SPATS2: variants seen among roughly 807,000 people sequenced by gnomAD.
The protein encoded by SPATS2 is spermatogenesis associated serine rich 2, also known as spermatogenesis-associated serine-rich protein 2.
SPATS2 carries 38 observed loss-of-function variants against 63.7 expected under a neutral mutation model. The observed-to-expected ratio is 0.60, with a 90% CI of 0.46 to 0.78. The LOEUF is 0.78. SPATS2 is among the 30% of genes least tolerant of loss of function. SPATS2 has a pLI of 0.00. For missense variants in SPATS2, 588 were observed against 666.2 expected, an observed-to-expected ratio of 0.88 and a Z score of 1.29; for synonymous variants, 207 against 232.9, an observed-to-expected ratio of 0.89 and a Z score of 1.01.
intron 5 of SPATS2, chr12:49,490,255 ATAATGT>A (rs1304117809): frequency 6.4e-6 from 1 of 155,908 alleles, no homozygotes; most frequent in African/African-American, 2.4e-5. Flanking sequence ...TTTTTAAAAA[ATAATGT>A]TAGTGTTTTG....
rs542721430 is a variant in SPATS2, at chr12:49,449,310, G to A, written c.-243-11460G>A. Reference sequence around the variant, plus strand: ...AGCTCACTGCAACCTCCGCCTCACGGGTTCAAGCGATTTTCCTGCCTCAGC... The same window carrying A: ...AGCTCACTGCAACCTCCGCCTCACGAGTTCAAGCGATTTTCCTGCCTCAGC... On this transcript the variant is annotated intron_variant, in intron 2 of 13. Transcript: ENST00000552918. Among the ~76,000 whole-genome samples, 38 of 152,314 alleles carry A rather than the reference G, an allele frequency of 2.5e-4. 1 individual carries two copies. Among genetic ancestry groups the A allele is most frequent in the African/African-American group, 7.2e-4 (30 of 41,560 alleles).
intron 2 of SPATS2, among the ~76,000 whole-genome samples, chr12:49,391,483 G>T (rs1944417831): frequency 6.6e-6 from 1 of 152,182 alleles, no homozygotes; most frequent in African/African-American, 2.4e-5. Flanking sequence ...TTACACTCCA[G>T]CCTGGGCAAC....
intron 2 of SPATS2, among the ~76,000 whole-genome samples, chr12:49,423,895 CTT>C (rs1393896112): frequency 1.3e-5 from 2 of 152,030 alleles, no homozygotes; most frequent in Non-Finnish European, 1.5e-5. Flanking sequence ...GTAAAAATCT[CTT>C]GTTTTTTCTA....
At chr12:49,450,405 G>T (rs1309563403) in intron 2 of SPATS2, among the ~76,000 whole-genome samples, 1 of 151,832 alleles carries the variant, frequency 6.6e-6, no homozygotes, top group Admixed American at 6.6e-5. Context: ...CACCATGCCT[G>T]GTTAATTTTT....
chr12:49,456,738 G>A (rs905976042), intron 2 of SPATS2, among the ~76,000 whole-genome samples: 4 of 152,114 alleles, frequency 2.6e-5, no homozygotes, highest in Non-Finnish European at 4.4e-5. Context: ...GATTGGAGGT[G>A]GTGGGGAATG....
At chr12:49,389,998 A>C in intron 2 of SPATS2, 1 of 847,594 alleles carries the variant, frequency 1.2e-6, no homozygotes, top group Admixed American at 1.7e-5. Context: ...ACAGGATTGC[A>C]AGGAACAAGA....
intron 2 of SPATS2, among the ~76,000 whole-genome samples, chr12:49,436,872 ACCTCCCTCC>A (rs1264607194): frequency 2.1e-4 from 23 of 109,242 alleles, no homozygotes; most frequent in Admixed American, 5.7e-4. Context: ...TGACCCCCCC[ACCTCCCTCC>A]CGGACGGGGC....
At chr12:49,419,689 A>C (rs1030891921) in intron 2 of SPATS2, among the ~76,000 whole-genome samples, 1 of 152,188 alleles carries the variant, frequency 6.6e-6, no homozygotes, top group Non-Finnish European at 1.5e-5. Context: ...TGAATATTAG[A>C]ATCCAGTGAG....
chr12:49,484,029 A>C (rs1946249218), intron 3 of SPATS2, among the ~76,000 whole-genome samples: 2 of 152,216 alleles, frequency 1.3e-5, no homozygotes, highest in South Asian at 4.1e-4. Context: ...GAGAAACCAG[A>C]ATCTTTTTTT....
chr12:49,516,162 AAAAAATATATAT>A (rs1946840932), intron 10 of SPATS2, among the ~76,000 whole-genome samples: 1 of 25,110 alleles, frequency 4.0e-5, no homozygotes, highest in African/African-American at 2.9e-4. Context: ...AAAAAAAAAA[AAAAAATATATAT>A]ATATATATAT....
rs942715198 is a variant in SPATS2, at chr12:49,432,690, A to G, written c.-243-28080A>G. Among the ~76,000 whole-genome samples the G allele has an allele frequency of 2.6e-5, 4 of 152,176 alleles. No homozygotes were observed. In the East Asian group the frequency reaches 7.7e-4, roughly 29 times the overall value. On this transcript the variant is annotated intron_variant, in intron 2 of 13. Coordinates refer to ENST00000552918, the MANE Select transcript of SPATS2 (RefSeq NM_023071.4). ...AATCATACAGTTTTTGTCTTTTTGC[A>G]ACTGGCTTGTTTCAATTAGTGCATT... is the stretch of plus-strand genomic sequence containing the variant.
At chr12:49,397,028 A>T (rs1944524017) in intron 2 of SPATS2, among the ~76,000 whole-genome samples, 1 of 152,096 alleles carries the variant, frequency 6.6e-6, no homozygotes, top group African/African-American at 2.4e-5. Context: ...ATTCCTACCC[A>T]TGCTACCTGG....
intron 2 of SPATS2, among the ~76,000 whole-genome samples, chr12:49,425,880 G>T (rs2137446931): frequency 6.7e-6 from 1 of 150,346 alleles, no homozygotes; most frequent in Non-Finnish European, 1.5e-5. Context: ...CGATCTGCCT[G>T]CCTTGGCCTC....
intron 2 of SPATS2, among the ~76,000 whole-genome samples, chr12:49,427,770 G>A (rs934244960): frequency 1.3e-5 from 2 of 152,094 alleles, no homozygotes; most frequent in Non-Finnish European, 1.5e-5. Flanking sequence ...ATTTTCAAAT[G>A]TATTGGCATA....
intron 2 of SPATS2, among the ~76,000 whole-genome samples, chr12:49,407,791 A>G (rs1802278290): frequency 6.6e-6 from 1 of 152,234 alleles, no homozygotes; most frequent in African/African-American, 2.4e-5. Flanking sequence ...TTGCCAAGCC[A>G]AAAATGACCT....
intron 2 of SPATS2, among the ~76,000 whole-genome samples, chr12:49,439,167 G>A (rs559440651): frequency 2.7e-4 from 41 of 152,260 alleles, no homozygotes; most frequent in South Asian, 6.2e-4. Flanking sequence ...AGACAGAATG[G>A]CAAGTTCAAA....
chr12:49,500,163 C>A lies in SPATS2; in HGVS notation c.797C>A (p.Ser266Tyr), dbSNP rs547438545. ...RVVVKEEMDA[S>Y]IKKMKQAFAE... The stretch of plus-strand genomic sequence containing the variant: ...GTAGTTAAAGAAGAGATGGATGCCT[C>A]CATTAAGAAAATGAAACAAGCCTTT... The change falls in exon 9 of 14, where the codon TCC (serine) becomes TAC (tyrosine). Residue 266 changes from serine to tyrosine, a missense_variant. Physicochemically the swap from Ser to Tyr is moderately radical, Grantham distance 144. Coordinates refer to ENST00000552918, the MANE Select transcript of SPATS2 (RefSeq NM_023071.4). 1 of 1,611,166 alleles carries A rather than the reference C, an allele frequency of 6.2e-7. No individual in the cohort carries two copies. Among genetic ancestry groups the A allele is most frequent in the South Asian group, 1.1e-5 (1 of 90,586 alleles).
intron 2 of SPATS2, among the ~76,000 whole-genome samples, chr12:49,414,451 A>AG (rs1481389775): frequency 6.6e-6 from 1 of 152,136 alleles, no homozygotes; most frequent in Admixed American, 6.5e-5. Flanking sequence ...TAAAAAAAAA[A>AG]GTTCAACAGA....
chr12:49,372,940 T>TGTGTGTG (rs1944024546), intron 2 of SPATS2, among the ~76,000 whole-genome samples: 1 of 130,050 alleles, frequency 7.7e-6, no homozygotes, highest in Non-Finnish European at 1.6e-5. Flanking sequence ...ATTTTCTGTT[T>TGTGTGTG]TGTGTGTGTG....
Sources: allele counts gnomAD v4.1 joint callset (sites outside exome capture counted in the v4.1 genomes callset), GRCh38; gene constraint gnomAD v4.1.1; transcripts MANE v1.5; gene names NCBI Gene and HGNC (gene_info 2026-07-23, HGNC 2026-07-21).